GNAZ: variants seen among roughly 807,000 people sequenced by gnomAD.
GNAZ encodes the protein guanine nucleotide-binding protein G(z) subunit alpha.
GNAZ carries 3 observed loss-of-function variants against 25.4 expected under a neutral mutation model. The observed-to-expected ratio is 0.12, with a 90% confidence interval of 0.05 to 0.30. The LOEUF (loss-of-function observed/expected upper bound fraction) is 0.30. Among genes scored for constraint, GNAZ ranks in the 10% least tolerant of loss-of-function variants. The probability of loss-of-function intolerance (pLI) is 1.00; values close to 1 mark genes in which losing one functional copy is unlikely to be tolerated. For missense variants in GNAZ, 241 were observed against 501.8 expected, an observed-to-expected ratio of 0.48 and a Z score of 4.97; for synonymous variants, 211 against 205.7, an observed-to-expected ratio of 1.03 and a Z score of -0.22.
intron 1 of GNAZ, among the ~76,000 whole-genome samples, chr22:23,088,607 C>T (rs545521124): frequency 1.3e-5 from 2 of 152,316 alleles, no homozygotes; most frequent in South Asian, 2.1e-4. Context: ...GGCAGGTAGG[C>T]GCAGGCAGCC....
chr22:23,123,362 CCA>C lies in GNAZ; in HGVS notation c.1000_1001del (p.Gln334ValfsTer45). The C allele has an allele frequency of 6.2e-7, 1 of 1,614,054 alleles. No homozygotes were observed. The highest frequency in any genetic ancestry group is 8.5e-7 in the Non-Finnish European group (1 of 1,179,974). On this transcript the variant is annotated frameshift_variant, in exon 3 of 3. Transcript: ENST00000615612. LOFTEE classifies it high-confidence loss of function. ...FTCATDTSNI[Q>X]FVFDAVTDVI... is the part of the protein sequence containing the mutation. ...CCTGCGCCACCGACACCAGTAACAT[CCA>C]GTTTGTCTTCGACGCGGTGACAGAC... is the stretch of plus-strand genomic sequence containing the variant.
intron 2 of GNAZ, among the ~76,000 whole-genome samples, chr22:23,105,080 C>T (rs9612232): frequency 6.6e-6 from 1 of 152,236 alleles, no homozygotes; most frequent in Non-Finnish European, 1.5e-5. Context: ...GGTACTTTCT[C>T]TAATTTCATT....
At chr22:23,100,728 G>A (rs913890143) in intron 2 of GNAZ, among the ~76,000 whole-genome samples, 28 of 152,334 alleles carry the variant, frequency 1.8e-4, no homozygotes, top group African/African-American at 2.9e-4. Context: ...TTTGTGGAGC[G>A]GGCGGGAGGC....
At chr22:23,110,903 C>G (rs1401679226) in intron 2 of GNAZ, among the ~76,000 whole-genome samples, 2 of 152,212 alleles carry the variant, frequency 1.3e-5, no homozygotes, top group Non-Finnish European at 2.9e-5. Flanking sequence ...CCCTGCCCAC[C>G]ATCTTTCTTT....
chr22:23,103,067 G>C (rs1165171285), intron 2 of GNAZ, among the ~76,000 whole-genome samples: 1 of 152,226 alleles, frequency 6.6e-6, no homozygotes, highest in African/African-American at 2.4e-5. Context: ...CTGCAGAGGA[G>C]AGTGCTGAGA....
At chr22:23,101,788 T>G (rs1170993308) in intron 2 of GNAZ, among the ~76,000 whole-genome samples, 2 of 152,176 alleles carry the variant, frequency 1.3e-5, no homozygotes, top group Non-Finnish European at 2.9e-5. Context: ...TCCCAAGGAC[T>G]GGACAGCCCC....
Position 23,080,358 on chromosome 22 carries a change from T to TTCATCTCATCTCCCCGG in GNAZ, c.-450+9804_-450+9820dup, listed in dbSNP as rs1372605287. Among the ~76,000 whole-genome samples, 8 of 152,170 alleles carry TTCATCTCATCTCCCCGG rather than the reference T, an allele frequency of 5.3e-5. No homozygotes were observed. The East Asian group carries it at 1.4e-3, about 26-fold the overall frequency. On this transcript the variant is annotated intron_variant, in intron 1 of 2. Coordinates refer to ENST00000615612, the MANE Select transcript of GNAZ (RefSeq NM_002073.4). The stretch of plus-strand genomic sequence containing the variant: ...AGGGTTACAGGGAAGGGCCTCCCTG[T>TTCATCTCATCTCCCCGG]TCATCTCATCTCCCCGGTCATCTCA...
chr22:23,105,230 A>T (rs557167345), intron 2 of GNAZ, among the ~76,000 whole-genome samples: 3 of 152,350 alleles, frequency 2.0e-5, no homozygotes, highest in Admixed American at 2.0e-4. Context: ...ATCCTGACCA[A>T]GGGGGCCCAG....
intron 2 of GNAZ, among the ~76,000 whole-genome samples, chr22:23,102,514 G>T (rs931950402): frequency 3.3e-5 from 5 of 152,222 alleles, no homozygotes; most frequent in Admixed American, 2.6e-4. Flanking sequence ...TTGTGCAGTG[G>T]CTCCTTGCCC....
chr22:23,073,730 G>A (rs755090028), intron 1 of GNAZ, among the ~76,000 whole-genome samples: 1 of 152,188 alleles, frequency 6.6e-6, no homozygotes, highest in African/African-American at 2.4e-5. Flanking sequence ...AGAACCTCAC[G>A]CGATTCATCC....
At chr22:23,102,950 G>C (rs531275991) in intron 2 of GNAZ, among the ~76,000 whole-genome samples, 24 of 152,252 alleles carry the variant, frequency 1.6e-4, no homozygotes, top group Non-Finnish European at 3.2e-4. Context: ...CCTCCTTTAT[G>C]GGAAGGCAGG....
chr22:23,072,098 G>C (rs2068395125), intron 1 of GNAZ, among the ~76,000 whole-genome samples: 1 of 152,088 alleles, frequency 6.6e-6, no homozygotes, highest in East Asian at 1.9e-4. Flanking sequence ...ACTGGGGAAG[G>C]CTCCTTGCAG....
intron 2 of GNAZ, among the ~76,000 whole-genome samples, chr22:23,121,109 G>A (rs2070013352): frequency 6.6e-6 from 1 of 152,174 alleles, no homozygotes; most frequent in Non-Finnish European, 1.5e-5. Context: ...TCACTGCGGA[G>A]GCGCTGGCTC....
At position 23,124,649 on chromosome 22, in the gene GNAZ, G is replaced by T; in HGVS notation, c.*1218G>T. 4.6e-6 allele frequency: 1 copy of T among 217,738 alleles called. No individual in the cohort carries two copies. Among genetic ancestry groups the T allele is most frequent in the South Asian group, 4.5e-5 (1 of 22,106 alleles). 13.5% of individuals were successfully genotyped at this position (217,738 alleles called of 1,614,324 possible). The stretch of plus-strand genomic sequence containing the variant: ...TGAAGGAAGGGGAGCAAGGGGTGGT[G>T]CCCCTGGTCCCAGCATGCCCCGCGC... On this transcript the variant is annotated 3_prime_UTR_variant, in exon 3 of 3. Coordinates refer to ENST00000615612, the MANE Select transcript of GNAZ (RefSeq NM_002073.4).
intron 2 of GNAZ, among the ~76,000 whole-genome samples, 175 bp from the exon 3 acceptor site, chr22:23,122,912 G>A (rs1019901079): frequency 3.3e-5 from 5 of 152,230 alleles, no homozygotes; most frequent in South Asian, 2.1e-4. Context: ...GGCTATTTCC[G>A]TGGGAGGTGG....
In GNAZ at chr22:23,123,428, C is replaced by G; in HGVS notation, c.1065C>G (p.Cys355Trp). Reference protein sequence around the residue: ...IQNNLKYIGLC With the variant: ...IQNNLKYIGLW ...ACAATCTCAAGTACATTGGCCTTTG[C>G]TGAGGAGCTGGGCCCGGGGCCCGCC... Residue 355 changes from cysteine to tryptophan, a missense_variant, in exon 3 of 3, where the codon TGC becomes TGG. Cys to Trp is a radical substitution (Grantham distance 215). Transcript: ENST00000615612. The G allele has an allele frequency of 6.2e-7, 1 of 1,604,460 alleles. No individual in the cohort carries two copies. Among genetic ancestry groups the G allele is most frequent in the Non-Finnish European group, 8.5e-7 (1 of 1,172,482 alleles).
chr22:23,119,000 G>T (rs566118407), intron 2 of GNAZ, among the ~76,000 whole-genome samples: 2 of 152,188 alleles, frequency 1.3e-5, no homozygotes, highest in African/African-American at 4.8e-5. Context: ...GCATGGACAG[G>T]TCAGAGGGCT....
At chr22:23,113,656 C>A (rs544742121) in intron 2 of GNAZ, among the ~76,000 whole-genome samples, 28 of 152,360 alleles carry the variant, frequency 1.8e-4, no homozygotes, top group African/African-American at 6.5e-4. Flanking sequence ...GGGGCCAACA[C>A]CACAGGCCCC....
At chr22:23,122,741 G>A (rs987328102) in intron 2 of GNAZ, 7 of 302,294 alleles carry the variant, frequency 2.3e-5, no homozygotes, top group Middle Eastern at 1.0e-3. Flanking sequence ...GGAAGATGGG[G>A]GGTCCTCGGA....
Sources: allele counts gnomAD v4.1 joint callset (sites outside exome capture counted in the v4.1 genomes callset), GRCh38; gene constraint gnomAD v4.1.1; transcripts MANE v1.5; gene names NCBI Gene and HGNC (gene_info 2026-07-23, HGNC 2026-07-21).